Variants in LGSN observed in about 807,000 individuals in gnomAD.
LGSN encodes lengsin.
Under a neutral mutation model 19.5 loss-of-function variants are expected in LGSN, and 21 were observed. That is an observed-to-expected ratio of 1.07 (90% confidence interval 0.76 to 1.55). The LOEUF is 1.55. Ranked by LOEUF, LGSN falls within the 40% of genes most tolerant of loss-of-function variation. LGSN has a pLI of 0.00. For missense variants in LGSN, 673 were observed against 608.5 expected, an observed-to-expected ratio of 1.11 and a Z score of -1.12; for synonymous variants, 257 against 215.6, an observed-to-expected ratio of 1.19 and a Z score of -1.68.
upstream of LGSN, among the ~76,000 whole-genome samples, chr6:63,324,427 A>G (rs961992109): frequency 8.5e-5 from 13 of 152,238 alleles, no homozygotes; most frequent in African/African-American, 3.1e-4. Context: ...ATTGTGTAAG[A>G]TATTAAATGA....
At chr6:63,479,943 G>A in the LGSN span, among the ~76,000 whole-genome samples, 2 of 152,146 alleles carry the variant, frequency 1.3e-5, no homozygotes, top group African/African-American at 4.8e-5. Context: ...AGATACAGGA[G>A]GGAATAAAAC....
chr6:63,315,408 A>AGAT (rs1408685098), intron 1 of LGSN, among the ~76,000 whole-genome samples: 3 of 152,124 alleles, frequency 2.0e-5, no homozygotes, highest in Non-Finnish European at 4.4e-5. Flanking sequence ...TTCTTTACTT[A>AGAT]GATGGGCTTG....
Position 63,295,038 on chromosome 6 carries a change from G to T in LGSN, c.38C>A (p.Thr13Lys). 6.2e-7 allele frequency: 1 copy of T among 1,612,174 alleles called. No individual in the cohort carries two copies. Among genetic ancestry groups the T allele is most frequent in the South Asian group, 1.1e-5 (1 of 90,902 alleles). Residue 13 changes from threonine (T) to lysine (K), a missense_variant, in exon 2 of 4, where the codon ACA becomes AAA. By Grantham distance (78) the Thr-to-Lys change is moderately conservative. Coordinates refer to ENST00000370657, the MANE Select transcript of LGSN (RefSeq NM_016571.3). The part of the protein sequence containing the change: ...NEEDLLQEDS[T>K]RDEGNETEAN... ...TTCAGTCTCATTGCCTTCATCTCTTGTTGAGTCCTGTTGATAATTAATAAA... is the reference window on the plus strand; with the variant it reads ...TTCAGTCTCATTGCCTTCATCTCTTTTTGAGTCCTGTTGATAATTAATAAA...
chr6:63,406,412 T>C, the LGSN span, among the ~76,000 whole-genome samples: 7 of 151,888 alleles, frequency 4.6e-5, no homozygotes, highest in Admixed American at 1.3e-4. Context: ...CTGAACAACC[T>C]GCTCCTGAAT....
the LGSN span, among the ~76,000 whole-genome samples, chr6:63,439,729 G>A: frequency 6.6e-6 from 1 of 152,046 alleles, no homozygotes; most frequent in South Asian, 2.1e-4. Context: ...CACTTCTCTA[G>A]TTCTTTGGAA....
At chr6:63,555,692 CTTT>C in the LGSN span, among the ~76,000 whole-genome samples, 103 of 135,000 alleles carry the variant, frequency 7.6e-4, no homozygotes, top group African/African-American at 2.4e-3. Flanking sequence ...CAATTACACT[CTTT>C]TTTTTTTTTT....
the LGSN span, among the ~76,000 whole-genome samples, chr6:63,379,777 A>G: frequency 6.6e-6 from 1 of 152,200 alleles, no homozygotes; most frequent in Non-Finnish European, 1.5e-5. Flanking sequence ...GTTTTTTTAC[A>G]AAAATTTTGC....
At chr6:63,517,222 C>T in the LGSN span, among the ~76,000 whole-genome samples, 3 of 152,092 alleles carry the variant, frequency 2.0e-5, no homozygotes, top group South Asian at 4.2e-4. Flanking sequence ...AAAGTCTTAC[C>T]TTTCAGACCA....
the LGSN span, among the ~76,000 whole-genome samples, chr6:63,411,159 A>G: frequency 6.6e-6 from 1 of 152,202 alleles, no homozygotes; most frequent in Non-Finnish European, 1.5e-5. Flanking sequence ...CCAGCTCTCT[A>G]AAGAATAATA....
At position 63,281,063 on chromosome 6, in the gene LGSN, T is replaced by G. The variant is rs1767289746; in HGVS notation, c.488A>C (p.Asp163Ala). 1 of 1,613,930 alleles carries G rather than the reference T, an allele frequency of 6.2e-7. No individual in the cohort carries two copies. Among genetic ancestry groups the G allele is most frequent in the Non-Finnish European group, 8.5e-7 (1 of 1,179,972 alleles). Residue 163 changes from aspartate to alanine, a missense_variant, in exon 4 of 4, where the codon GAC becomes GCC. Asp to Ala is a moderately radical substitution (Grantham distance 126). Coordinates refer to ENST00000370657, the MANE Select transcript of LGSN (RefSeq NM_016571.3). ...ATCACATATCACTCTTGCAGTTCTG[T>G]CAGCCCATGGCAAAACTCTAAAGGT... is the stretch of plus-strand genomic sequence containing the variant. ...LSTFRVLPWA[D>A]RTARVICDTF...
chr6:63,523,768 T>C, the LGSN span, among the ~76,000 whole-genome samples: 1 of 152,088 alleles, frequency 6.6e-6, no homozygotes, highest in African/African-American at 2.4e-5. Context: ...TTAGTGTTAG[T>C]GTATTTCATG....
the LGSN span, among the ~76,000 whole-genome samples, chr6:63,343,625 A>C: frequency 1.3e-5 from 2 of 152,194 alleles, no homozygotes; most frequent in Non-Finnish European, 2.9e-5. Context: ...CTTTTGCAAA[A>C]TATGAATGGT....
the LGSN span, among the ~76,000 whole-genome samples, chr6:63,443,806 A>G: frequency 6.6e-6 from 1 of 152,122 alleles, no homozygotes; most frequent in East Asian, 1.9e-4. Context: ...AGTTACCTGC[A>G]TGCCTAAAGG....
Position 63,279,989 on chromosome 6 carries a change from A to G in LGSN, c.*32T>C, listed in dbSNP as rs367748800. On this transcript the variant is annotated 3_prime_UTR_variant, in exon 4 of 4. Transcript: ENST00000370657. ...GGTAGATTAGCTTTAAGTAACAATT[A>G]CATGTCTAAAGGAGTAGTTGTGAGC... 11 of 1,513,182 alleles carry G rather than the reference A, an allele frequency of 7.3e-6. No individual in the cohort carries two copies. The highest frequency in any genetic ancestry group is 9.7e-6 in the Non-Finnish European group (11 of 1,128,334). The allele number at this position is 1,513,182 out of a possible 1,614,324, so 93.7% of individuals were successfully genotyped here. A position where few individuals can be genotyped will look rare whatever the true frequency, so the allele number is the denominator to read the frequency against.
the LGSN span, among the ~76,000 whole-genome samples, chr6:63,331,060 G>A: frequency 6.6e-6 from 1 of 152,156 alleles, no homozygotes; most frequent in Non-Finnish European, 1.5e-5. Context: ...GCTTAAAGGG[G>A]ACATAACCGA....
At chr6:63,439,601 C>T in the LGSN span, among the ~76,000 whole-genome samples, 6 of 152,106 alleles carry the variant, frequency 3.9e-5, no homozygotes, top group African/African-American at 1.4e-4. Flanking sequence ...CATTCTTGTT[C>T]CAAACAGTCT....
chr6:63,365,837 A>T, the LGSN span, among the ~76,000 whole-genome samples: 1 of 152,096 alleles, frequency 6.6e-6, no homozygotes, highest in South Asian at 2.1e-4. Context: ...AGGAAAAAAA[A>T]TACATGATTA....
the LGSN span, among the ~76,000 whole-genome samples, chr6:63,406,360 A>G: frequency 6.6e-6 from 1 of 152,120 alleles, no homozygotes; most frequent in Non-Finnish European, 1.5e-5. Flanking sequence ...ACTACAACTC[A>G]GGATTAAGAA....
the LGSN span, among the ~76,000 whole-genome samples, chr6:63,447,768 T>C: frequency 5.3e-5 from 8 of 152,314 alleles, no homozygotes; most frequent in African/African-American, 1.4e-4. Context: ...CTTTCATTTA[T>C]TTGTGCCTCT....
Sources: gnomAD v4.1 joint callset for allele counts (sites outside exome capture counted in the v4.1 genomes callset) on GRCh38, gnomAD v4.1.1 for gene constraint, MANE v1.5 for transcripts, NCBI Gene and HGNC (gene_info 2026-07-23, HGNC 2026-07-21) for gene names.